GRK3: variants seen among roughly 807,000 people sequenced by gnomAD.
The protein encoded by GRK3 is G protein-coupled receptor kinase 3.
A neutral mutation model predicts 95.7 loss-of-function variants in GRK3; 54 were observed. That is an observed-to-expected ratio of 0.56 (90% CI 0.45 to 0.71). GRK3 has a LOEUF of 0.71. Among genes scored for constraint, GRK3 ranks in the 30% least tolerant of loss-of-function variants. GRK3 has a pLI of 0.00. For missense variants in GRK3, 649 were observed against 851.2 expected (o/e 0.76, Z 2.96); for synonymous variants, 281 against 290.8 (o/e 0.97, Z 0.34).
At chr22:25,688,036 G>C (rs149993490) in intron 11 of GRK3, among the ~76,000 whole-genome samples, 1 of 151,976 alleles carries the variant, frequency 6.6e-6, no homozygotes, top group Admixed American at 6.5e-5. Flanking sequence ...GGAGATCAAG[G>C]CCATCCTGGC....
rs529474941 is a variant in GRK3 at position 25,564,923 on chromosome 22, AG to A, written c.-110del. The A allele has an allele frequency of 0.024, 3,326 of 139,496 alleles. 59 individuals carry two copies. The highest frequency in any genetic ancestry group is 0.066 in the South Asian group (267 of 4,056). The allele number at this position is 139,496 out of a possible 1,614,324, so 8.6% of individuals were successfully genotyped here. A position where few individuals can be genotyped will look rare whatever the true frequency, so the allele number is the denominator to read the frequency against. On this transcript the variant is annotated 5_prime_UTR_variant, in exon 1 of 21. Coordinates refer to ENST00000324198, the MANE Select transcript of GRK3 (RefSeq NM_005160.4). ...GCGCGCGCGGGGCGGGGGCGCGCGG[AG>A]GGGGGGGCTGCCCCGGGGCGGCCCC...
intron 2 of GRK3, among the ~76,000 whole-genome samples, chr22:25,634,121 A>G (rs188273248): frequency 1.3e-5 from 2 of 152,296 alleles, no homozygotes; most frequent in Non-Finnish European, 1.5e-5. Flanking sequence ...TTATTTAGAG[A>G]TATAGAATCT....
At chr22:25,578,492 T>C (rs1601447192) in intron 1 of GRK3, among the ~76,000 whole-genome samples, 1 of 152,170 alleles carries the variant, frequency 6.6e-6, no homozygotes, top group African/African-American at 2.4e-5. Context: ...GAACATGTTA[T>C]GTTATATGAC....
intron 1 of GRK3, among the ~76,000 whole-genome samples, chr22:25,594,071 CT>C (rs1031001072): frequency 6.0e-4 from 91 of 152,178 alleles, no homozygotes; most frequent in African/African-American, 2.1e-3. Flanking sequence ...CTTAAGATTA[CT>C]TTGGCTATTT....
Position 25,565,121 on chromosome 22 carries a change from C to A in GRK3, c.81C>A (p.Arg27=). 6.5e-7 allele frequency: 1 copy of A among 1,549,696 alleles called. No homozygotes were observed. The highest frequency in any genetic ancestry group is 1.9e-5 in the Admixed American group (1 of 52,496). Residue 27 remains arginine, a synonymous_variant, in exon 1 of 21, where the codon CGC becomes CGA. Coordinates refer to ENST00000324198, the MANE Select transcript of GRK3 (RefSeq NM_005160.4). ...MEKSKATPAA[R]ASKRIVLPEP... ...AGAGCAAGGCGACCCCGGCCGCCCG[C>A]GCCAGCAAGAGGATCGTCCTGCCGG...
At chr22:25,652,974 A>G (rs2084845269) in intron 3 of GRK3, among the ~76,000 whole-genome samples, 1 of 152,246 alleles carries the variant, frequency 6.6e-6, no homozygotes, top group African/African-American at 2.4e-5. Flanking sequence ...AGGCTCTTGT[A>G]AGCATGCTCT....
intron 2 of GRK3, among the ~76,000 whole-genome samples, chr22:25,614,091 G>C (rs994829663): frequency 6.6e-6 from 1 of 152,022 alleles, no homozygotes. Flanking sequence ...TAGGAGCACT[G>C]ATTTGCCAGC....
intron 11 of GRK3, 120 bp downstream of exon 11, chr22:25,687,787 T>A (rs2085127976): frequency 9.0e-7 from 1 of 1,117,028 alleles, no homozygotes; most frequent in Admixed American, 2.3e-5. Context: ...TCAGCCCTGA[T>A]GAAGTCATTA....
chr22:25,649,540 T>C (rs955011859), intron 3 of GRK3, among the ~76,000 whole-genome samples: 10 of 152,214 alleles, frequency 6.6e-5, no homozygotes, highest in African/African-American at 2.4e-4. Context: ...TCATTTTCTT[T>C]CTTTTCTTCC....
At position 25,728,925 on chromosome 22, in the gene GRK3, A is replaced by G. The variant is rs1306870861; in HGVS notation, c.*6475A>G. On this transcript the variant is annotated 3_prime_UTR_variant, in exon 21 of 21. Transcript: ENST00000324198. ...TAGCCATCAATATAGTAACATATTT[A>G]CTATATTCTTGAATACCCTTGAAGA... The G allele has an allele frequency of 6.6e-6, 1 of 152,206 alleles. No individual in the cohort carries two copies. Among genetic ancestry groups the G allele is most frequent in the Non-Finnish European group, 1.5e-5 (1 of 68,046 alleles). The allele number at this position is 152,206 out of a possible 1,614,324, so 9.4% of individuals were successfully genotyped here.
chr22:25,598,379 ATGGCAGTTC>A (rs2084386576), intron 1 of GRK3, among the ~76,000 whole-genome samples: 1 of 152,124 alleles, frequency 6.6e-6, no homozygotes, highest in African/African-American at 2.4e-5. Flanking sequence ...TGTTATTAAG[ATGGCAGTTC>A]TGGTCCTGGC....
chr22:25,595,861 G>A (rs753820864), intron 1 of GRK3, among the ~76,000 whole-genome samples: 4 of 152,070 alleles, frequency 2.6e-5, no homozygotes, highest in Non-Finnish European at 4.4e-5. Flanking sequence ...GTGGGAGGAT[G>A]GCTTGAGCTC....
Position 25,725,926 on chromosome 22 carries a change from GC to G in GRK3, c.*3477del, listed in dbSNP as rs1223141928. 1 of 233,284 alleles carries G rather than the reference GC, an allele frequency of 4.3e-6. No individual in the cohort carries two copies. Among genetic ancestry groups the G allele is most frequent in the Non-Finnish European group, 8.2e-6 (1 of 121,302 alleles). 14.5% of individuals were successfully genotyped at this position (233,284 alleles called of 1,614,324 possible). On this transcript the variant is annotated 3_prime_UTR_variant, in exon 21 of 21. Coordinates refer to ENST00000324198, the MANE Select transcript of GRK3 (RefSeq NM_005160.4). The stretch of plus-strand genomic sequence containing the variant: ...ATTGCGCCACTGCACTCCAGCCTGG[GC>G]GACAGAGCGAGACTCTGTCTCAAAA...
At chr22:25,661,524 G>T in intron 3 of GRK3, 52 bp from the exon 4 acceptor site, 3 of 1,231,164 alleles carry the variant, frequency 2.4e-6, no homozygotes, top group Non-Finnish European at 3.5e-6. Flanking sequence ...ATTTTAATAA[G>T]GCAAGTTTCC....
At chr22:25,587,692 TGGGA>T (rs1932361568) in intron 1 of GRK3, among the ~76,000 whole-genome samples, 1 of 152,144 alleles carries the variant, frequency 6.6e-6, no homozygotes, top group Non-Finnish European at 1.5e-5. Context: ...CCACCTGTGG[TGGGA>T]GGGACCTGGT....
At chr22:25,607,743 ATT>A (rs35551345) in intron 2 of GRK3, among the ~76,000 whole-genome samples, 5 of 138,566 alleles carry the variant, frequency 3.6e-5, no homozygotes, top group East Asian at 2.1e-4. Flanking sequence ...TACCCAGCTA[ATT>A]TTTTTTTTTT....
chr22:25,608,341 C>T (rs1397253132), intron 2 of GRK3, among the ~76,000 whole-genome samples: 2 of 152,120 alleles, frequency 1.3e-5, no homozygotes, highest in Admixed American at 6.6e-5. Flanking sequence ...ATTTAGTTGC[C>T]TTTAAATATA....
intron 13 of GRK3, among the ~76,000 whole-genome samples, chr22:25,701,390 A>C (rs751985880): frequency 1.3e-5 from 2 of 152,374 alleles, no homozygotes; most frequent in African/African-American, 4.8e-5. Context: ...ACAGATGTGC[A>C]TCAAGATTTC....
At chr22:25,681,116 C>G (rs1339569594) in intron 9 of GRK3, among the ~76,000 whole-genome samples, 2 of 152,136 alleles carry the variant, frequency 1.3e-5, no homozygotes, top group East Asian at 3.8e-4. Context: ...GAGCAGTCAG[C>G]AATTCATCCA....
Sources: gnomAD v4.1 joint callset for allele counts (sites outside exome capture counted in the v4.1 genomes callset) on GRCh38, gnomAD v4.1.1 for gene constraint, MANE v1.5 for transcripts, NCBI Gene and HGNC (gene_info 2026-07-23, HGNC 2026-07-21) for gene names.